The following TENM1 variants were observed in gnomAD, a reference collection of about 807,000 sequenced individuals.
TENM1 encodes the protein teneurin-1.
Under a neutral mutation model 174.8 loss-of-function variants are expected in TENM1, and 35 were observed. The observed-to-expected ratio is 0.20, with a 90% CI of 0.15 to 0.27. The LOEUF (loss-of-function observed/expected upper bound fraction) is 0.27. Among genes scored for constraint, TENM1 ranks in the 10% least tolerant of loss-of-function variants. The probability of loss-of-function intolerance (pLI) is 1.00; values close to 1 mark genes in which losing one functional copy is unlikely to be tolerated. For synonymous variants in TENM1, 781 were observed against 798.7 expected, an observed-to-expected ratio of 0.98 and a Z score of 0.37; for missense variants, 1,633 against 2,130.1, an observed-to-expected ratio of 0.77 and a Z score of 4.59.
chrX:124,647,312 G>T (rs1218409972), intron 8 of TENM1, among the ~76,000 whole-genome samples: 5 of 111,691 alleles, frequency 4.5e-5, no homozygotes, highest in Non-Finnish European at 9.4e-5. Flanking sequence ...ATTAATAAGT[G>T]ACAATGGAAG....
chrX:124,804,666 C>T (rs908691362), intron 3 of TENM1, among the ~76,000 whole-genome samples: 9 of 111,786 alleles, frequency 8.1e-5, no homozygotes, highest in Non-Finnish European at 1.7e-4. Flanking sequence ...AACCAACAGA[C>T]ATTAACAAGG....
In TENM1 at chrX:124,645,174, C is replaced by A; in HGVS notation, c.1845G>T (p.Val615=). 1 of 1,210,731 alleles carries A rather than the reference C, an allele frequency of 8.3e-7. No homozygotes were observed. The highest frequency in any genetic ancestry group is 1.1e-6 in the Non-Finnish European group (1 of 895,076). The stretch of plus-strand genomic sequence containing the variant: ...CGCATATTTCTCCTTTGTATCCTGG[C>A]ACACAGATGCAGACTCCCATGATGC... The change falls in exon 10 of 32, where the codon GTG becomes GTT. Residue 615 remains valine, a synonymous_variant. Coordinates refer to ENST00000422452, the Ensembl canonical transcript of TENM1.
intron 12 of TENM1, among the ~76,000 whole-genome samples, chrX:124,564,181 T>C (rs1437290346): frequency 9.0e-6 from 1 of 111,583 alleles, no homozygotes; most frequent in African/African-American, 3.3e-5. Flanking sequence ...GGCAATAAAC[T>C]TACTGTAGTA....
chrX:124,726,661 C>T (rs1204499699), intron 4 of TENM1, among the ~76,000 whole-genome samples: 1 of 111,175 alleles, frequency 9.0e-6, no homozygotes, highest in Non-Finnish European at 1.9e-5. Context: ...TGCATATGTA[C>T]ATTTTGAGAT....
chrX:124,737,796 C>A (rs147912235), intron 3 of TENM1, among the ~76,000 whole-genome samples: 296 of 112,124 alleles, frequency 2.6e-3, no homozygotes, highest in African/African-American at 8.9e-3. Context: ...AAAAGGTAGG[C>A]TAAAAGAAGT....
intron 3 of TENM1, among the ~76,000 whole-genome samples, chrX:124,855,355 T>C (rs2056795627): frequency 9.0e-6 from 1 of 111,523 alleles, no homozygotes; most frequent in East Asian, 2.8e-4. Context: ...ACAAAGTATA[T>C]ACACAAAACC....
chrX:124,475,153 C>G (rs751181180), intron 22 of TENM1, among the ~76,000 whole-genome samples: 105 of 110,687 alleles, frequency 9.5e-4, no homozygotes, highest in Non-Finnish European at 1.6e-3. Context: ...TTAAGCAGAA[C>G]AGATCCACTT....
At chrX:124,564,335 T>A (rs994628452) in intron 12 of TENM1, among the ~76,000 whole-genome samples, 55 of 112,075 alleles carry the variant, frequency 4.9e-4, no homozygotes, top group Middle Eastern at 4.6e-3. Context: ...GATTATATGT[T>A]ATATGTATTA....
At chrX:125,187,730 GTC>G in the TENM1 span, among the ~76,000 whole-genome samples, 7 of 110,557 alleles carry the variant, frequency 6.3e-5, no homozygotes, top group Non-Finnish European at 1.3e-4. Context: ...CTTTGTCTCT[GTC>G]TCTCTCTCTC....
chrX:125,171,457 C>T, the TENM1 span, among the ~76,000 whole-genome samples: 2 of 110,588 alleles, frequency 1.8e-5, no homozygotes, highest in Admixed American at 9.7e-5. Flanking sequence ...GTGTCCCCTG[C>T]CCCCACTCTA....
At chrX:124,562,127 T>A (rs2048831707) in intron 13 of TENM1, among the ~76,000 whole-genome samples, 1 of 111,402 alleles carries the variant, frequency 9.0e-6, no homozygotes, top group Admixed American at 9.6e-5. Context: ...ACTAAACATA[T>A]CTCCTCATCT....
chrX:125,090,797 G>T, the TENM1 span, among the ~76,000 whole-genome samples: 4 of 97,451 alleles, frequency 4.1e-5, no homozygotes, highest in Non-Finnish European at 8.0e-5. Context: ...CCAGAAGGTG[G>T]GTAAGATATT....
At chrX:124,737,277 AC>A in intron 3 of TENM1, 80 bp from the exon 7 acceptor site, 1 of 1,036,472 alleles carries the variant, frequency 9.6e-7, no homozygotes, top group Non-Finnish European at 1.3e-6. Flanking sequence ...TGACAGACTT[AC>A]CAGGATTTCA....
intron 3 of TENM1, among the ~76,000 whole-genome samples, chrX:124,824,266 T>C (rs1427923695): frequency 8.9e-6 from 1 of 112,175 alleles, no homozygotes; most frequent in Non-Finnish European, 1.9e-5. Flanking sequence ...AACTGTCTGG[T>C]GACAGGAAAG....
At chrX:124,681,649 A>G (rs1246969018) in intron 5 of TENM1, among the ~76,000 whole-genome samples, 1 of 111,402 alleles carries the variant, frequency 9.0e-6, no homozygotes, top group Non-Finnish European at 1.9e-5. Context: ...GGGACTCTGG[A>G]GCCAAGGTTT....
the TENM1 span, among the ~76,000 whole-genome samples, chrX:125,134,216 A>C: frequency 1.8e-5 from 2 of 112,293 alleles, no homozygotes; most frequent in African/African-American, 6.5e-5. Context: ...CATAGTCTGC[A>C]GCAGCCTGCC....
intron 11 of TENM1, among the ~76,000 whole-genome samples, chrX:124,603,044 G>A (rs143007890): frequency 1.1e-3 from 117 of 110,718 alleles, no homozygotes; most frequent in African/African-American, 3.4e-3. Flanking sequence ...CAGAGGCAGA[G>A]ACTGGAGTTA....
At chrX:124,687,207 A>G (rs898665632) in intron 5 of TENM1, among the ~76,000 whole-genome samples, 1 of 111,890 alleles carries the variant, frequency 8.9e-6, no homozygotes, top group East Asian at 2.8e-4. Context: ...ACTATACTAC[A>G]AGAAACCAGC....
chrX:125,033,804 A>G, the TENM1 span, among the ~76,000 whole-genome samples: 1 of 111,316 alleles, frequency 9.0e-6, no homozygotes, highest in African/African-American at 3.3e-5. Context: ...GCTCATCTAC[A>G]CAATATTCAT....
Sources: allele counts gnomAD v4.1 joint callset (sites outside exome capture counted in the v4.1 genomes callset), GRCh38; gene constraint gnomAD v4.1.1; transcripts MANE v1.5; gene names NCBI Gene and HGNC (gene_info 2026-07-23, HGNC 2026-07-21).